Variants in PCDH15 observed in about 807,000 individuals in gnomAD.
PCDH15 encodes the protein protocadherin related 15, also known as protocadherin-15.
In PCDH15, 129 loss-of-function variants were observed where a neutral mutation model predicts 178.5. The ratio of observed to expected loss-of-function variants is 0.72; its 90% CI spans 0.63 to 0.84. The LOEUF is 0.84. Ranked by LOEUF, PCDH15 falls within the 40% of genes least tolerant of loss-of-function variation. PCDH15 has a pLI of 0.00. For synonymous variants in PCDH15, 800 were observed against 732.0 expected (o/e 1.09, Z -1.50); for missense variants, 2,230 against 2,099.9 (o/e 1.06, Z -1.21).
At chr10:53,830,026 G>A (rs2076925189) in intron 30 of PCDH15, among the ~76,000 whole-genome samples, 1 of 152,138 alleles carries the variant, frequency 6.6e-6, no homozygotes, top group South Asian at 2.1e-4. Flanking sequence ...ACTATTGGCT[G>A]GGCGCGGTGG....
intron 3 of PCDH15, among the ~76,000 whole-genome samples, chr10:54,517,269 T>C (rs1178066758): frequency 1.3e-5 from 2 of 151,990 alleles, no homozygotes; most frequent in African/African-American, 2.4e-5. Context: ...GACTGGCAAA[T>C]TGGATAAAGA....
chr10:54,765,324 T>G (rs181828462), intron 1 of PCDH15, among the ~76,000 whole-genome samples: 2 of 152,136 alleles, frequency 1.3e-5, no homozygotes, highest in East Asian at 3.9e-4. Context: ...ATTGGGAAAA[T>G]GGAATAAATT....
chr10:55,496,219 G>A (rs1240705784), intron 2 of PCDH15, among the ~76,000 whole-genome samples: 4 of 151,662 alleles, frequency 2.6e-5, no homozygotes, highest in Admixed American at 1.3e-4. Context: ...AGATTTCTCA[G>A]CAGAAATCCC....
At chr10:54,129,160 C>G (rs1453706161) in intron 15 of PCDH15, among the ~76,000 whole-genome samples, 3 of 151,860 alleles carry the variant, frequency 2.0e-5, no homozygotes, top group Admixed American at 2.0e-4. Flanking sequence ...GGTTAATGAC[C>G]AAGTGAAATG....
At chr10:54,558,840 CT>C (rs1377321354) in intron 2 of PCDH15, among the ~76,000 whole-genome samples, 2 of 152,022 alleles carry the variant, frequency 1.3e-5, no homozygotes, top group Non-Finnish European at 1.5e-5. Context: ...AAAGACCCCA[CT>C]TCTATTTTTA....
At chr10:54,769,689 G>A (rs1948878144) in intron 1 of PCDH15, among the ~76,000 whole-genome samples, 1 of 152,006 alleles carries the variant, frequency 6.6e-6, no homozygotes. Flanking sequence ...TTGGGAAGTA[G>A]TTGTGACAAA....
chr10:54,380,622 C>A (rs1949053922), intron 3 of PCDH15, among the ~76,000 whole-genome samples: 1 of 80,890 alleles, frequency 1.2e-5, no homozygotes, highest in Admixed American at 1.5e-4. Flanking sequence ...AACTGCAAAT[C>A]TTCTGATTGT....
chr10:53,816,924 ACAGT>A (rs2076079615), intron 34 of PCDH15, among the ~76,000 whole-genome samples: 1 of 152,200 alleles, frequency 6.6e-6, no homozygotes, highest in Admixed American at 6.6e-5. Context: ...TAAAGCTAAT[ACAGT>A]CACCATTGAT....
chr10:55,520,994 T>C (rs966526154), intron 2 of PCDH15, among the ~76,000 whole-genome samples: 1 of 151,956 alleles, frequency 6.6e-6, no homozygotes, highest in Non-Finnish European at 1.5e-5. Flanking sequence ...ATTTCAAGTA[T>C]GCAATACAAT....
chr10:55,414,152 A>G (rs1165238205), intron 2 of PCDH15, among the ~76,000 whole-genome samples: 1 of 151,562 alleles, frequency 6.6e-6, no homozygotes, highest in East Asian at 1.9e-4. Flanking sequence ...TTTCTTAACA[A>G]TGTTATCTTG....
intron 1 of PCDH15, among the ~76,000 whole-genome samples, chr10:55,248,620 G>A (rs1841746462): frequency 6.6e-6 from 1 of 152,104 alleles, no homozygotes. Context: ...CCCCATGCTG[G>A]ATTTCAGTGG....
In PCDH15 at chr10:54,825,935, C is replaced by G. The variant is rs73252097; in HGVS notation, c.-29+71515G>C. On this transcript the variant is annotated intron_variant, in intron 3 of 5. Transcript: ENST00000458638. ...CTCAATAATATATTTATTATGCATA[C>G]AGCCTCTAATACTGAGTGATTCCTT... is the stretch of plus-strand genomic sequence containing the variant. Among the ~76,000 whole-genome samples, 1,215 of 152,124 alleles carry G rather than the reference C, an allele frequency of 8.0e-3. 18 individuals carry two copies. The highest frequency in any genetic ancestry group is 0.027 in the African/African-American group (1,104 of 41,526).
chr10:54,992,882 G>A (rs1037473015), intron 2 of PCDH15, among the ~76,000 whole-genome samples: 2 of 152,122 alleles, frequency 1.3e-5, no homozygotes, highest in African/African-American at 4.8e-5. Context: ...TTAGAGATAA[G>A]GGTCTCACAG....
At chr10:55,555,817 T>A (rs1344240027) in intron 2 of PCDH15, among the ~76,000 whole-genome samples, 3 of 152,062 alleles carry the variant, frequency 2.0e-5, no homozygotes, top group South Asian at 2.1e-4. Flanking sequence ...CACCAGAGAA[T>A]CTGCCATACA....
intron 2 of PCDH15, among the ~76,000 whole-genome samples, chr10:55,493,239 C>G (rs1197472328): frequency 6.6e-6 from 1 of 151,008 alleles, no homozygotes; most frequent in African/African-American, 2.4e-5. Flanking sequence ...CACTCAGATA[C>G]ACTAAAGTCA....
intron 27 of PCDH15, among the ~76,000 whole-genome samples, chr10:53,865,689 G>T (rs1051759869): frequency 6.6e-6 from 1 of 151,864 alleles, no homozygotes; most frequent in African/African-American, 2.4e-5. Context: ...AATGCTCCTG[G>T]AGGACTGTTT....
chr10:55,043,218 C>T, intron 2 of PCDH15, among the ~76,000 whole-genome samples: 1 of 151,836 alleles, frequency 6.6e-6, no homozygotes, highest in Non-Finnish European at 1.5e-5. Context: ...TTTCCATAAC[C>T]CTCCTCTCAA....
intron 8 of PCDH15, among the ~76,000 whole-genome samples, chr10:54,280,331 T>A (rs1280276063): frequency 6.6e-6 from 1 of 151,336 alleles, no homozygotes; most frequent in Non-Finnish European, 1.5e-5. Context: ...AAAGACCTTT[T>A]TTATCCTATG....
intron 1 of PCDH15, among the ~76,000 whole-genome samples, chr10:55,272,085 T>C (rs1039240633): frequency 6.6e-5 from 10 of 152,066 alleles, no homozygotes; most frequent in Non-Finnish European, 1.5e-4. Context: ...GTGTTTTTTC[T>C]ATATACCATT....
Sources: allele counts gnomAD v4.1 joint callset (sites outside exome capture counted in the v4.1 genomes callset), GRCh38; gene constraint gnomAD v4.1.1; transcripts MANE v1.5; gene names NCBI Gene and HGNC (gene_info 2026-07-23, HGNC 2026-07-21).